Variants in AFAP1L2 observed in about 807,000 individuals in gnomAD.
AFAP1L2 encodes the protein actin filament-associated protein 1-like 2.
A neutral mutation model predicts 99.3 loss-of-function variants in AFAP1L2; 46 were observed. The observed-to-expected ratio is 0.46, with a 90% CI of 0.37 to 0.59. AFAP1L2 has a LOEUF of 0.59. Among genes scored for constraint, AFAP1L2 ranks in the 20% least tolerant of loss-of-function variants. The pLI, the probability that AFAP1L2 is intolerant of heterozygous loss-of-function variation, is 0.00. For missense variants in AFAP1L2, 959 were observed against 1,034.9 expected (o/e 0.93, Z 1.01); for synonymous variants, 397 against 419.1 (o/e 0.95, Z 0.64).
At chr10:114,305,295 G>GCA (rs2042003551) in intron 10 of AFAP1L2, among the ~76,000 whole-genome samples, 1 of 125,540 alleles carries the variant, frequency 8.0e-6, no homozygotes, top group Non-Finnish European at 1.7e-5. Context: ...GAGGGGATGC[G>GCA]GACGCAGGAG....
intron 4 of AFAP1L2, among the ~76,000 whole-genome samples, chr10:114,324,153 C>A (rs901115213): frequency 1.3e-5 from 2 of 152,324 alleles, no homozygotes; most frequent in African/African-American, 4.8e-5. Context: ...TTATAAACAA[C>A]CATGGGGGAG....
At chr10:114,297,501 C>CCG in intron 16 of AFAP1L2, 88 bp from the exon 17 acceptor site, 1 of 1,374,050 alleles carries the variant, frequency 7.3e-7, no homozygotes, top group South Asian at 1.3e-5. Context: ...TCTACATACC[C>CCG]CGCCACCCGA....
intron 7 of AFAP1L2, among the ~76,000 whole-genome samples, chr10:114,311,144 G>A (rs747117169): frequency 2.6e-5 from 4 of 152,194 alleles, no homozygotes; most frequent in Admixed American, 6.5e-5. Context: ...ACTCTGGGAA[G>A]GGAGGCTGGG....
chr10:114,329,088 G>T (rs1331932568), intron 4 of AFAP1L2, among the ~76,000 whole-genome samples: 2 of 152,174 alleles, frequency 1.3e-5, no homozygotes, highest in African/African-American at 2.4e-5. Context: ...TTACCACTTG[G>T]CTGAAAGGCC....
In AFAP1L2 at chr10:114,331,869, A is replaced by G; in HGVS notation, c.249T>C (p.Asn83=). 1 of 1,361,976 alleles carries G rather than the reference A, an allele frequency of 7.3e-7. No homozygotes were observed. Among genetic ancestry groups the G allele is most frequent in the South Asian group, 1.9e-5 (1 of 51,402 alleles). The allele number at this position is 1,361,976 out of a possible 1,614,324, so 84.4% of individuals were successfully genotyped here. ...CCGAGGAGTGCTGGCTGGGCTCCCC[A>G]TTGGGTAGCAGGCCCTGCTCCTCAG... is the stretch of plus-strand genomic sequence containing the variant. ...KAPEEQGLLP[N]GEPSQHSSAP... Residue 83 remains asparagine (N), a synonymous_variant, in exon 4 of 19, where the codon AAT becomes AAC. Coordinates refer to ENST00000304129, the MANE Select transcript of AFAP1L2 (RefSeq NM_001001936.3).
intron 1 of AFAP1L2, among the ~76,000 whole-genome samples, chr10:114,354,268 C>T (rs1329259462): frequency 6.6e-6 from 1 of 152,172 alleles, no homozygotes; most frequent in Non-Finnish European, 1.5e-5. Context: ...TTTAGTATAG[C>T]AGGTGGTTCT....
At chr10:114,292,074 T>G (rs2039653334), downstream of AFAP1L2, among the ~76,000 whole-genome samples, 1 of 152,070 alleles carries the variant, frequency 6.6e-6, no homozygotes. Context: ...GTCAGGAGTT[T>G]GAGACCAGCC....
chr10:114,287,400 C>T, the AFAP1L2 span, among the ~76,000 whole-genome samples: 2 of 152,042 alleles, frequency 1.3e-5, no homozygotes, highest in South Asian at 2.1e-4. Flanking sequence ...AGGCTGGTCT[C>T]GAACTCCTGG....
chr10:114,353,294 TTTCAGCACTTAGA>T (rs2050821408), intron 1 of AFAP1L2, among the ~76,000 whole-genome samples: 1 of 152,216 alleles, frequency 6.6e-6, no homozygotes, highest in African/African-American at 2.4e-5. Flanking sequence ...GACAGCATCA[TTTCAGCACTTAGA>T]TTCAGCCATG....
At chr10:114,404,867 C>G, upstream of AFAP1L2, 1 of 181,970 alleles carries the variant, frequency 5.5e-6, no homozygotes, top group Non-Finnish European at 1.1e-5. Context: ...CAAGATTGTT[C>G]CCACACCCCT....
At position 114,297,377 on chromosome 10, in the gene AFAP1L2, T is replaced by C; in HGVS notation, c.2150A>G (p.Lys717Arg). The C allele has an allele frequency of 6.2e-7, 1 of 1,613,620 alleles. No individual in the cohort carries two copies. Among genetic ancestry groups the C allele is most frequent in the Non-Finnish European group, 8.5e-7 (1 of 1,180,002 alleles). Residue 717 changes from lysine to arginine, a missense_variant, in exon 17 of 19, where the codon AAG becomes AGG. Transcript: ENST00000304129. ...GCCCCGGCACTCCTCGTCAATTTCCTTCAGCTTCTGCTCCAGGCTCGCCAG... is the reference window on the plus strand; with the variant it reads ...GCCCCGGCACTCCTCGTCAATTTCCCTCAGCTTCTGCTCCAGGCTCGCCAG... ...EVLASLEQKL[K>R]EIDEECRGEE... is the part of the protein sequence containing the mutation.
At chr10:114,310,235 T>G in intron 8 of AFAP1L2, 119 bp downstream of exon 8, 3 of 1,059,402 alleles carry the variant, frequency 2.8e-6, no homozygotes, top group East Asian at 2.6e-5. Flanking sequence ...GCCTCAAGCA[T>G]TGTATGTTTC....
chr10:114,332,812 G>A (rs150294187), intron 3 of AFAP1L2, among the ~76,000 whole-genome samples: 1 of 152,280 alleles, frequency 6.6e-6, no homozygotes, highest in South Asian at 2.1e-4. Context: ...CATCATCTTT[G>A]ACTATTAAGG....
chr10:114,340,010 C>CAA (rs3061677), intron 2 of AFAP1L2, among the ~76,000 whole-genome samples: 75,265 of 117,488 alleles, frequency 0.64, 26,567 homozygotes, highest in East Asian at 0.91. Context: ...GACCCCGTCT[C>CAA]AAAAAAAAAA....
downstream of AFAP1L2, among the ~76,000 whole-genome samples, chr10:114,292,606 G>A (rs371286211): frequency 1.3e-5 from 2 of 150,536 alleles, no homozygotes; most frequent in Non-Finnish European, 3.0e-5. Context: ...CCCTATCGCT[G>A]CAGTATTTAG....
chr10:114,314,821 C>T (rs1181474744), intron 6 of AFAP1L2, among the ~76,000 whole-genome samples: 1 of 151,982 alleles, frequency 6.6e-6, no homozygotes, highest in East Asian at 1.9e-4. Context: ...TGAGAAGATA[C>T]CTAGCATTCT....
downstream of AFAP1L2, chr10:114,291,262 G>T: frequency 1.3e-6 from 2 of 1,548,410 alleles, no homozygotes; most frequent in Non-Finnish European, 1.7e-6. Flanking sequence ...GTGCAGGAGG[G>T]CAGCAGCCGT....
chr10:114,338,399 T>C (rs2048305605), intron 2 of AFAP1L2, among the ~76,000 whole-genome samples: 1 of 152,264 alleles, frequency 6.6e-6, no homozygotes, highest in Non-Finnish European at 1.5e-5. Context: ...TCAACTGTTA[T>C]GACTTCACAA....
chr10:114,337,006 A>G (rs1380649477), intron 2 of AFAP1L2, among the ~76,000 whole-genome samples: 1 of 152,216 alleles, frequency 6.6e-6, no homozygotes, highest in Non-Finnish European at 1.5e-5. Flanking sequence ...GGCTATCTTG[A>G]GATGATCACC....
Sources: gnomAD v4.1 joint callset for allele counts (sites outside exome capture counted in the v4.1 genomes callset) on GRCh38, gnomAD v4.1.1 for gene constraint, MANE v1.5 for transcripts, NCBI Gene and HGNC (gene_info 2026-07-23, HGNC 2026-07-21) for gene names.